Variants in DYSF observed in about 807,000 individuals in gnomAD.
The protein encoded by DYSF is dystrophy-associated fer-1-like 1.
A neutral mutation model predicts 274.9 loss-of-function variants in DYSF; 212 were observed. The observed-to-expected ratio is 0.77, with a 90% confidence interval of 0.69 to 0.86. DYSF has a LOEUF of 0.86. Ranked by LOEUF, DYSF falls within the 40% of genes least tolerant of loss-of-function variation. The pLI, the probability that DYSF is intolerant of heterozygous loss-of-function variation, is 0.00. For missense variants in DYSF, 2,666 were observed against 2,783.2 expected (o/e 0.96, Z 0.95); for synonymous variants, 1,091 against 1,078.7 (o/e 1.01, Z -0.22).
Position 71,553,163 on chromosome 2 carries a change from T to C in DYSF, c.1959T>C (p.Thr653=). ...CCTGCCTGCCGCTGGCCTCCACCAC[T>C]CAGTACAGCCGTGCAGTCTTTGACG... The part of the protein sequence containing the change: ...DMTCLPLAST[T]QYSRAVFDGC... Residue 653 remains threonine (T), a synonymous_variant, in exon 20 of 56, where the codon ACT becomes ACC. Coordinates refer to ENST00000410020, the MANE Select transcript of DYSF (RefSeq NM_001130987.2). 6.2e-7 allele frequency: 1 copy of C among 1,614,038 alleles called. No individual in the cohort carries two copies. The highest frequency in any genetic ancestry group is 8.5e-7 in the Non-Finnish European group (1 of 1,180,020).
rs533723592 is a variant in DYSF, at chr2:71,478,042, A to G, written c.92-2841A>G. Reference sequence around the variant, plus strand: ...CACTTTTCCTTTTTTGGGAAGTTATAGTTTTTTTTTTTTTTTGCTATATAT... The same window carrying G: ...CACTTTTCCTTTTTTGGGAAGTTATGGTTTTTTTTTTTTTTTGCTATATAT... On this transcript the variant is annotated intron_variant, in intron 1 of 55. Coordinates refer to ENST00000410020, the MANE Select transcript of DYSF (RefSeq NM_001130987.2). Among the ~76,000 whole-genome samples, 333 of 134,942 alleles carry G rather than the reference A, an allele frequency of 2.5e-3. 2 individuals carry two copies. The highest frequency in any genetic ancestry group is 0.011 in the Middle Eastern group (3 of 270). The allele number at this position is 134,942 out of a possible 152,430, so 88.5% of individuals were successfully genotyped here. A position where few individuals can be genotyped will look rare whatever the true frequency, so the allele number is the denominator to read the frequency against.
Position 71,552,597 on chromosome 2 carries a change from C to A in DYSF, c.1807-414C>A, listed in dbSNP as rs549631852. 4.6e-5 allele frequency among the ~76,000 whole-genome samples: 7 copies of A among 151,528 alleles called. No individual in the cohort carries two copies. In the East Asian group the frequency reaches 1.2e-3, roughly 25 times the overall value. On this transcript the variant is annotated intron_variant, in intron 19 of 55. Transcript: ENST00000410020. The stretch of plus-strand genomic sequence containing the variant: ...GAAGAGCTGGCTGCTGAGGGAGAGA[C>A]CCTGAGTGGCATGGGGCAGGAGCTC...
intron 1 of DYSF, among the ~76,000 whole-genome samples, chr2:71,470,115 G>C (rs1217222123): frequency 1.3e-5 from 2 of 152,128 alleles, no homozygotes; most frequent in Non-Finnish European, 2.9e-5. Flanking sequence ...CATCAGCCAG[G>C]AACCCAGAAG....
intron 41 of DYSF, among the ~76,000 whole-genome samples, chr2:71,638,054 G>A (rs1236625865): frequency 6.6e-6 from 1 of 152,012 alleles, no homozygotes; most frequent in Non-Finnish European, 1.5e-5. Context: ...AGCCAAGAGG[G>A]GAACTTGGGG....
chr2:71,665,272 T>G lies in DYSF; in HGVS notation c.5285T>G (p.Phe1762Cys). 6.2e-7 allele frequency: 1 copy of G among 1,614,182 alleles called. No homozygotes were observed. The highest frequency in any genetic ancestry group is 1.6e-4 in the Middle Eastern group (1 of 6,062). The change falls in exon 47 of 56, where the codon TTT becomes TGT. Residue 1762 changes from phenylalanine to cysteine, a missense_variant. Around this residue, in one of 3 missense-constraint regions of DYSF, gnomAD observed 1,460 missense variants for 1,502.1 expected, o/e 0.97. Transcript: ENST00000410020. ...APVYRTDRVM[F>C]QDKEYSIEEI... ...GTGTACCGGACAGACCGTGTAATGT[T>G]TCAGGATAAAGAATATTCCATTGAA...
chr2:71,593,973 G>A (rs1464071526), intron 32 of DYSF, among the ~76,000 whole-genome samples: 4 of 152,200 alleles, frequency 2.6e-5, no homozygotes, highest in East Asian at 1.9e-4. Context: ...ACAGGGGTGA[G>A]TACCTCTCAA....
In DYSF at chr2:71,539,055, C is replaced by G; in HGVS notation, c.1494-102C>G. The G allele has an allele frequency of 6.9e-6, 7 of 1,018,986 alleles. No homozygotes were observed. The South Asian group carries it at 8.9e-5, about 13-fold the overall frequency. 63.1% of individuals were successfully genotyped at this position (1,018,986 alleles called of 1,614,324 possible). ...ACCAGAAGCGCTCTCTGCCTGCCCC[C>G]CGCCCCCCTGTGATGTGTAACCGAG... is the stretch of plus-strand genomic sequence containing the variant. On this transcript the variant is annotated intron_variant, in intron 16 of 55. Coordinates refer to ENST00000410020, the MANE Select transcript of DYSF (RefSeq NM_001130987.2).
intron 32 of DYSF, among the ~76,000 whole-genome samples, chr2:71,597,890 C>G (rs182444473): frequency 1.3e-5 from 2 of 152,238 alleles, no homozygotes; most frequent in African/African-American, 2.4e-5. Flanking sequence ...GAACTGGTCT[C>G]CCTAGACCTC....
At chr2:71,602,200 G>A (rs1453654867) in intron 35 of DYSF, among the ~76,000 whole-genome samples, 1 of 152,198 alleles carries the variant, frequency 6.6e-6, no homozygotes, top group African/African-American at 2.4e-5. Context: ...TACATGCCAA[G>A]TTCAGCTGCA....
chr2:71,529,317 C>T (rs544586213), intron 14 of DYSF, among the ~76,000 whole-genome samples: 3 of 152,340 alleles, frequency 2.0e-5, no homozygotes, highest in Non-Finnish European at 4.4e-5. Context: ...CTAGCTCTTT[C>T]CAGGAGCATT....
chr2:71,591,443 T>C (rs574591478), intron 32 of DYSF, among the ~76,000 whole-genome samples: 1 of 152,356 alleles, frequency 6.6e-6, no homozygotes, highest in Admixed American at 6.5e-5. Flanking sequence ...CTGCAGCACT[T>C]GATGGCTAAA....
chr2:71,485,128 A>T (rs574601345), intron 3 of DYSF, among the ~76,000 whole-genome samples: 1 of 152,268 alleles, frequency 6.6e-6, no homozygotes, highest in Non-Finnish European at 1.5e-5. Context: ...CCAAACATTT[A>T]TCTCAGTTTC....
rs778061192 is a variant in DYSF at position 71,539,220 on chromosome 2, C to T, written c.1557C>T (p.Ala519=). Residue 519 remains alanine, a synonymous_variant, in exon 17 of 56, where the codon GCC becomes GCT. Coordinates refer to ENST00000410020, the MANE Select transcript of DYSF (RefSeq NM_001130987.2). ...TTYLSMSKIS[A]PGGEIEVDDY... ...ACCTGAGTATGTCGAAAATCTCTGC[C>T]CCTGGAGGAGAAATAGAAGGTATGT... 1 of 1,614,044 alleles carries T rather than the reference C, an allele frequency of 6.2e-7. No homozygotes were observed.
At chr2:71,612,991 G>T (rs756033254) in intron 39 of DYSF, among the ~76,000 whole-genome samples, 185 bp downstream of exon 39, 1 of 152,208 alleles carries the variant, frequency 6.6e-6, no homozygotes, top group African/African-American at 2.4e-5. Context: ...TGGGTGGGGG[G>T]CACCAGGAGC....
At position 71,520,377 on chromosome 2, in the gene DYSF, C is replaced by T. The variant is rs189956199; in HGVS notation, c.1033+169C>T. Among the ~76,000 whole-genome samples, 56 of 152,270 alleles carry T rather than the reference C, an allele frequency of 3.7e-4. 2 individuals are homozygous for T. The East Asian group carries it at 7.5e-3, about 20-fold the overall frequency. On this transcript the variant is annotated intron_variant, in intron 11 of 55. Transcript: ENST00000410020. ...TCATCCTCCATGTGAGACAGGCCCT[C>T]GGGAGGGTGTAACACTCACCTGTGT... is the stretch of plus-strand genomic sequence containing the variant.
At chr2:71,632,413 G>A (rs1041168039) in intron 41 of DYSF, among the ~76,000 whole-genome samples, 4 of 152,172 alleles carry the variant, frequency 2.6e-5, no homozygotes, top group African/African-American at 9.7e-5. Context: ...GTTGACTTTG[G>A]CACATAGTAG....
intron 41 of DYSF, among the ~76,000 whole-genome samples, chr2:71,639,865 T>C (rs2094460622): frequency 6.6e-6 from 1 of 152,196 alleles, no homozygotes; most frequent in African/African-American, 2.4e-5. Flanking sequence ...GATTAGCTCT[T>C]GGCCAAGAAG....
chr2:71,519,122 A>AAAAG, intron 10 of DYSF, among the ~76,000 whole-genome samples: 1 of 146,700 alleles, frequency 6.8e-6, no homozygotes, highest in Non-Finnish European at 1.5e-5. Flanking sequence ...AAAAAAAAAA[A>AAAAG]TTACTGGGTT....
At chr2:71,594,894 T>C (rs1162026130) in intron 32 of DYSF, among the ~76,000 whole-genome samples, 1 of 152,180 alleles carries the variant, frequency 6.6e-6, no homozygotes, top group South Asian at 2.1e-4. Flanking sequence ...CCTGTTTAGG[T>C]TACAATTTCC....
Sources: allele counts gnomAD v4.1 joint callset (sites outside exome capture counted in the v4.1 genomes callset), GRCh38; gene constraint gnomAD v4.1.1; regional missense constraint gnomAD v4.1.1; transcripts MANE v1.5; gene names NCBI Gene and HGNC (gene_info 2026-07-23, HGNC 2026-07-21).